Variants in BNIP5 observed in about 807,000 individuals in gnomAD.
The protein encoded by BNIP5 is protein BNIP5.
In BNIP5, 61 loss-of-function variants were observed where a neutral mutation model predicts 67.3. The ratio of observed to expected loss-of-function variants is 0.91; its 90% CI spans 0.74 to 1.12. The LOEUF is 1.12. Ranked by LOEUF, BNIP5 falls within the 50% of genes most tolerant of loss-of-function variation. The pLI is 0.00. For missense variants in BNIP5, 826 were observed against 816.3 expected, an observed-to-expected ratio of 1.01 and a Z score of -0.14; for synonymous variants, 317 against 319.0, an observed-to-expected ratio of 0.99 and a Z score of 0.07.
In BNIP5 at chr6:36,323,576, TGAG is replaced by T. The variant is rs763256462; in HGVS notation, c.1231-46_1231-44del. On this transcript the variant is annotated intron_variant, in intron 7 of 11. Coordinates refer to ENST00000437635, the MANE Select transcript of BNIP5 (RefSeq NM_001010903.5). ...GAAACTGAGTCAGGGCCCCTGACCT[TGAG>T]GAGATCTCAGGTGAGGTGGGGAAAG... is the stretch of plus-strand genomic sequence containing the variant. 5.0e-6 allele frequency: 8 copies of T among 1,609,796 alleles called. No individual in the cohort carries two copies. The South Asian group carries it at 7.7e-5, about 15-fold the overall frequency.
intron 3 of BNIP5, among the ~76,000 whole-genome samples, 194 bp from the exon 4 acceptor site, chr6:36,327,288 C>T (rs188553468): frequency 5.9e-4 from 90 of 152,374 alleles, no homozygotes; most frequent in South Asian, 1.2e-3. Context: ...CAAATCATGA[C>T]ACTTTATGCA....
intron 9 of BNIP5, among the ~76,000 whole-genome samples, chr6:36,321,555 G>C (rs559255444): frequency 6.6e-6 from 1 of 152,256 alleles, no homozygotes; most frequent in African/African-American, 2.4e-5. Context: ...TCAAGAATGG[G>C]AGTTTGGACG....
At chr6:36,328,055 A>G (rs1561885112) in intron 3 of BNIP5, among the ~76,000 whole-genome samples, 3 of 152,178 alleles carry the variant, frequency 2.0e-5, no homozygotes. Context: ...AATTAGATGA[A>G]TAGGGGATTA....
Position 36,324,969 on chromosome 6 carries a change from G to T in BNIP5, c.1168+314C>A, listed in dbSNP as rs544623268. Among the ~76,000 whole-genome samples, 306 of 152,234 alleles carry T rather than the reference G, an allele frequency of 2.0e-3. 1 individual carries two copies. The highest frequency in any genetic ancestry group is 2.5e-3 in the Non-Finnish European group (170 of 68,010). ...GTCCACACAGCTCAAAGGGGTCACA[G>T]CCCAGACTCAAACCAAGGTCCATAA... On this transcript the variant is annotated intron_variant, in intron 6 of 11. Transcript: ENST00000437635.
At chr6:36,332,861 TAAAA>T (rs1454822275) in intron 1 of BNIP5, among the ~76,000 whole-genome samples, 1 of 152,104 alleles carries the variant, frequency 6.6e-6, no homozygotes, top group Non-Finnish European at 1.5e-5. Context: ...AAAAGAAAAA[TAAAA>T]TATGGTTTTG....
At chr6:36,326,454 G>A in intron 5 of BNIP5, 56 bp downstream of exon 5, 2 of 1,606,248 alleles carry the variant, frequency 1.2e-6, no homozygotes, top group Non-Finnish European at 1.7e-6. Flanking sequence ...CCCAGGGAAG[G>A]TTCCAGAGCT....
At position 36,326,655 on chromosome 6, in the gene BNIP5, T is replaced by C. The variant is rs757402349; in HGVS notation, c.891A>G (p.Ser297=). 3.9e-5 allele frequency: 63 copies of C among 1,614,122 alleles called. No homozygotes were observed. In the South Asian group the frequency reaches 6.4e-4, roughly 16 times the overall value. The change falls in exon 5 of 12, where the codon TCA becomes TCG. Residue 297 remains serine (S), a synonymous_variant. Transcript: ENST00000437635. ...QEKKTSLKRT[S]KTNPKKHGSE... ...AGCCGTGTTTCTTGGGGTTTGTCTT[T>C]GAGGTTCTCTTGAGGCTTGTCTTTT... is the stretch of plus-strand genomic sequence containing the variant.
intron 11 of BNIP5, 31 bp from the exon 12 acceptor site, chr6:36,317,422 C>A: frequency 6.3e-7 from 1 of 1,598,840 alleles, no homozygotes; most frequent in Non-Finnish European, 8.6e-7. Flanking sequence ...TAGGTGTTAG[C>A]CACAGCTCAA....
At position 36,326,606 on chromosome 6, in the gene BNIP5, C is replaced by T. The variant is rs565352938; in HGVS notation, c.940G>A (p.Ala314Thr). The change falls in exon 5 of 12, where the codon GCA becomes ACA. Residue 314 changes from alanine (A) to threonine (T), a missense_variant. Physicochemically the swap from Ala to Thr is moderately conservative, Grantham distance 58. Transcript: ENST00000437635. ...HGSEEAKRGA[A>T]DVSSPEAWPP... ...CAGGCCTCTGGACTGGAAACATCTGCAGCCCCCCTCTTGGCCTCCTCGGAG... is the reference window on the plus strand; with the variant it reads ...CAGGCCTCTGGACTGGAAACATCTGTAGCCCCCCTCTTGGCCTCCTCGGAG... The T allele has an allele frequency of 1.5e-5, 24 of 1,614,266 alleles. No individual in the cohort carries two copies. The East Asian group carries it at 2.5e-4, about 16-fold the overall frequency.
At chr6:36,317,670 G>A (rs879148666) in intron 11 of BNIP5, among the ~76,000 whole-genome samples, 1 of 152,272 alleles carries the variant, frequency 6.6e-6, no homozygotes, top group African/African-American at 2.4e-5. Context: ...TTTGGTATTT[G>A]GTTGCTATTT....
In BNIP5 at chr6:36,326,541, G is replaced by T. The variant is rs765053362; in HGVS notation, c.1005C>A (p.Ser335Arg). The part of the protein sequence containing the change: ...KKSSFLPLCV[S>R]GHRPSISSSY... The stretch of plus-strand genomic sequence containing the variant: ...TGCTGGAGATGGAAGGCCGATGGCC[G>T]CTGACACACAGGGGCAGAAAGCTGG... The change falls in exon 5 of 12, where the codon AGC (serine) becomes AGA (arginine). Residue 335 changes from serine to arginine, a missense_variant. Ser to Arg is a moderately radical substitution (Grantham distance 110, BLOSUM62 -1). Transcript: ENST00000437635. 1.9e-6 allele frequency: 3 copies of T among 1,614,236 alleles called. No individual in the cohort carries two copies. In the East Asian group the frequency reaches 6.7e-5, roughly 36 times the overall value.
Position 36,328,597 on chromosome 6 carries a change from C to CG in BNIP5, c.727dup (p.Gln243ProfsTer41). On this transcript the variant is annotated frameshift_variant and splice_region_variant. Coordinates refer to ENST00000437635, the MANE Select transcript of BNIP5 (RefSeq NM_001010903.5). LOFTEE classifies it high-confidence loss of function. ...AAAGGTCACTAGAGATTCCGACTCACGGTCAGGCTTTTTGAGCTCCTCTTC... is the reference window on the plus strand; with the variant it reads ...AAAGGTCACTAGAGATTCCGACTCACGGGTCAGGCTTTTTGAGCTCCTCTTC... 6.2e-7 allele frequency: 1 copy of CG among 1,601,000 alleles called. No individual in the cohort carries two copies.
rs1771821122 is a variant in BNIP5 at position 36,328,806 on chromosome 6, C to G, written c.611-92G>C. 7.1e-6 allele frequency: 6 copies of G among 840,272 alleles called. 1 individual carries two copies. In the East Asian group the frequency reaches 1.5e-4, roughly 20 times the overall value. The allele number at this position is 840,272 out of a possible 1,614,324, so 52.1% of individuals were successfully genotyped here. A position where few individuals can be genotyped will look rare whatever the true frequency, so the allele number is the denominator to read the frequency against. ...GACTTTGTTCATCAACACGAGAAAA[C>G]AGCACAGAATTCACAGTGCAACAGG... On this transcript the variant is annotated intron_variant, in intron 2 of 11. Coordinates refer to ENST00000437635, the MANE Select transcript of BNIP5 (RefSeq NM_001010903.5).
At chr6:36,320,305 A>G (rs1027952104) in intron 10 of BNIP5, among the ~76,000 whole-genome samples, 1 of 152,198 alleles carries the variant, frequency 6.6e-6, no homozygotes, top group Non-Finnish European at 1.5e-5. Flanking sequence ...GGGGGTGGCA[A>G]CTGGAGCTTA....
chr6:36,331,766 G>T (rs1305205953), intron 1 of BNIP5, among the ~76,000 whole-genome samples: 5 of 152,138 alleles, frequency 3.3e-5, no homozygotes, highest in African/African-American at 9.7e-5. Flanking sequence ...CTGGGCTCAA[G>T]CGATCAACCT....
rs372970931 is a variant in BNIP5 at position 36,335,916 on chromosome 6, G to A, written c.-5+796C>T. On this transcript the variant is annotated intron_variant, in intron 1 of 11. Coordinates refer to ENST00000437635, the MANE Select transcript of BNIP5 (RefSeq NM_001010903.5). ...CACGCACTTACACATGGACTTAGGG[G>A]AGAAACCTGCTATTTCACACTGATG... Among the ~76,000 whole-genome samples, 46 of 152,310 alleles carry A rather than the reference G, an allele frequency of 3.0e-4. No individual in the cohort carries two copies. In the South Asian group the frequency reaches 7.0e-3, roughly 23 times the overall value.
chr6:36,318,920 GC>G (rs1275447213), intron 11 of BNIP5, among the ~76,000 whole-genome samples: 6 of 152,164 alleles, frequency 3.9e-5, no homozygotes, highest in Non-Finnish European at 5.9e-5. Context: ...AGCCCATGGA[GC>G]CTTCTTGTCT....
At position 36,326,761 on chromosome 6, in the gene BNIP5, G is replaced by A. The variant is rs561145149; in HGVS notation, c.793-8C>T. 1 of 1,613,694 alleles carries A rather than the reference G, an allele frequency of 6.2e-7. No homozygotes were observed. Among genetic ancestry groups the A allele is most frequent in the African/African-American group, 1.3e-5 (1 of 74,990 alleles). On this transcript the variant is annotated splice_region_variant and splice_polypyrimidine_tract_variant and intron_variant, in intron 4 of 11. Coordinates refer to ENST00000437635, the MANE Select transcript of BNIP5 (RefSeq NM_001010903.5). ...CTGTGAGGCCAGAGATTGCTGTTGG[G>A]GAGAGGAGAAAAACTGGTCAGGTTC...
chr6:36,331,448 G>A (rs185474982), intron 1 of BNIP5, among the ~76,000 whole-genome samples: 1 of 152,256 alleles, frequency 6.6e-6, no homozygotes, highest in Non-Finnish European at 1.5e-5. Flanking sequence ...CAGTAGCAAT[G>A]GAAAACGAAT....
Sources: allele counts gnomAD v4.1 joint callset (sites outside exome capture counted in the v4.1 genomes callset), GRCh38; gene constraint gnomAD v4.1.1; transcripts MANE v1.5; gene names NCBI Gene and HGNC (gene_info 2026-07-23, HGNC 2026-07-21).